Variants in SNX31 observed in about 807,000 individuals in gnomAD.
SNX31 encodes sorting nexin 31, also known as sorting nexin-31.
A neutral mutation model predicts 65.4 loss-of-function variants in SNX31; 58 were observed. The ratio of observed to expected loss-of-function variants is 0.89; its 90% CI spans 0.72 to 1.10. The LOEUF (loss-of-function observed/expected upper bound fraction) is 1.10. SNX31 is among the 50% of genes least tolerant of loss of function. The pLI is 0.00. For missense variants in SNX31, 523 were observed against 529.7 expected, an observed-to-expected ratio of 0.99 and a Z score of 0.12; for synonymous variants, 181 against 190.1, an observed-to-expected ratio of 0.95 and a Z score of 0.39.
intron 8 of SNX31, 97 bp downstream of exon 8, chr8:100,608,397 G>A (rs988764628): frequency 1.9e-6 from 2 of 1,064,460 alleles, no homozygotes; most frequent in Non-Finnish European, 2.9e-6. Flanking sequence ...TTTAGGTGTG[G>A]AGGTAGAATT....
In SNX31 at chr8:100,588,762, A is replaced by G; in HGVS notation, c.1092+104T>C. On this transcript the variant is annotated intron_variant, in intron 11 of 13. Coordinates refer to ENST00000311812, the MANE Select transcript of SNX31 (RefSeq NM_152628.4). This position sits in a 1 kb window ranked among gnomAD's most constrained non-coding sequence, Gnocchi z 4.8. ...CGAACGAGAGTGCATAGAACACTTT[A>G]GGGTCCTGCTCTAGTTGGGTTAGGG... is the stretch of plus-strand genomic sequence containing the variant. 1 of 730,806 alleles carries G rather than the reference A, an allele frequency of 1.4e-6. No individual in the cohort carries two copies. The highest frequency in any genetic ancestry group is 2.4e-6 in the Non-Finnish European group (1 of 421,290). The allele number at this position is 730,806 out of a possible 1,614,324, so 45.3% of individuals were successfully genotyped here. A position where few individuals can be genotyped will look rare whatever the true frequency, so the allele number is the denominator to read the frequency against.
upstream of SNX31, chr8:100,649,814 C>A (rs938647976): frequency 1.0e-4 from 39 of 387,528 alleles, no homozygotes; most frequent in African/African-American, 7.4e-4. Context: ...GGCATTTTCT[C>A]CAAGAAGGCC....
At chr8:100,633,774 A>C (rs1818567815) in intron 3 of SNX31, among the ~76,000 whole-genome samples, 1 of 152,210 alleles carries the variant, frequency 6.6e-6, no homozygotes, top group Non-Finnish European at 1.5e-5. Flanking sequence ...ACAAGGAAAA[A>C]AGAATGATAA....
At position 100,635,970 on chromosome 8, in the gene SNX31, T is replaced by C. The variant is rs1275362750; in HGVS notation, c.183A>G (p.Pro61=). ...CTGTGGTCATTGCCAGATAGTACTTTGGTGGGAAGGGTGGCAGGCAATTTC... is the reference window on the plus strand; with the variant it reads ...CTGTGGTCATTGCCAGATAGTACTTCGGTGGGAAGGGTGGCAGGCAATTTC... ...VFGNCLPPFP[P]KYYLAMTTAM... Residue 61 remains proline (P), a synonymous_variant, in exon 3 of 14, where the codon CCA becomes CCG. Transcript: ENST00000311812. 6.2e-7 allele frequency: 1 copy of C among 1,614,154 alleles called. No individual in the cohort carries two copies. The highest frequency in any genetic ancestry group is 1.1e-5 in the South Asian group (1 of 91,076).
intron 1 of SNX31, among the ~76,000 whole-genome samples, chr8:100,654,871 G>T (rs904158606): frequency 9.8e-5 from 15 of 152,300 alleles, no homozygotes; most frequent in African/African-American, 3.6e-4. Context: ...AAATTAGCCA[G>T]ATGTGGTAGT....
chr8:100,621,323 A>G (rs553983046), intron 4 of SNX31, among the ~76,000 whole-genome samples: 6 of 152,304 alleles, frequency 3.9e-5, no homozygotes, highest in African/African-American at 1.4e-4. Context: ...CACTCTCAAA[A>G]GCATCCCAGT....
rs1818744990 is a variant in SNX31 at position 100,635,980 on chromosome 8, G to T, written c.173C>A (p.Pro58His). Residue 58 changes from proline to histidine, a missense_variant, in exon 3 of 14, where the codon CCC becomes CAC. Pro to His is a moderately conservative substitution (Grantham distance 77). Transcript: ENST00000311812. ...TGCCAGATAGTACTTTGGTGGGAAG[G>T]GTGGCAGGCAATTTCCAAAGACCCG... is the stretch of plus-strand genomic sequence containing the variant. Reference protein sequence around the residue: ...LRRVFGNCLPPFPPKYYLAMT... With the variant: ...LRRVFGNCLPHFPPKYYLAMT... 3.7e-6 allele frequency: 6 copies of T among 1,614,130 alleles called. No individual in the cohort carries two copies. The highest frequency in any genetic ancestry group is 5.1e-6 in the Non-Finnish European group (6 of 1,179,984).
chr8:100,641,264 C>T (rs1394975266), intron 2 of SNX31, among the ~76,000 whole-genome samples: 2 of 151,740 alleles, frequency 1.3e-5, no homozygotes, highest in Non-Finnish European at 2.9e-5. Context: ...CAGTTGGCTG[C>T]GGTGGCTCAC....
rs186056472 is a variant in SNX31 at position 100,629,083 on chromosome 8, C to T, written c.321+1244G>A. On this transcript the variant is annotated intron_variant, in intron 4 of 13. Transcript: ENST00000311812. This position sits in a 1 kb window ranked among gnomAD's most constrained non-coding sequence, Gnocchi z 5.1. The stretch of plus-strand genomic sequence containing the variant: ...TGTGGTGTTCACACAATGACAAAAT[C>T]GCCTAATGATGCATTTATCAGAACG... Among the ~76,000 whole-genome samples, 506 of 152,126 alleles carry T rather than the reference C, an allele frequency of 3.3e-3. 1 individual carries two copies. The highest frequency in any genetic ancestry group is 0.012 in the African/African-American group (486 of 41,492).
In SNX31 at chr8:100,614,683, T is replaced by A. The variant is rs375624397; in HGVS notation, c.433-1598A>T. Among the ~76,000 whole-genome samples, 62 of 152,082 alleles carry A rather than the reference T, an allele frequency of 4.1e-4. 1 individual carries two copies. The highest frequency in any genetic ancestry group is 6.5e-4 in the Admixed American group (10 of 15,270). ...TAAGGTCAGGAGTTCAAAACCAGCC[T>A]GGCCAACATAGTGAAACCCCATCTC... On this transcript the variant is annotated intron_variant, in intron 5 of 13. Transcript: ENST00000311812. The surrounding 1 kb of genome is among the most constrained non-coding windows in gnomAD (Gnocchi z 5.1).
intron 12 of SNX31, among the ~76,000 whole-genome samples, chr8:100,580,324 A>G (rs919744513): frequency 3.3e-5 from 5 of 152,148 alleles, no homozygotes; most frequent in Admixed American, 1.3e-4. Context: ...TACATCTACT[A>G]TCTTTTCTTG....
rs1816376662 is a variant in SNX31, at chr8:100,608,350, T to C, written c.681+144A>G. The C allele has an allele frequency of 4.3e-6, 3 of 700,960 alleles. No individual in the cohort carries two copies. In the East Asian group the frequency reaches 8.6e-5, roughly 20 times the overall value. 43.4% of individuals were successfully genotyped at this position (700,960 alleles called of 1,614,324 possible). On this transcript the variant is annotated intron_variant, in intron 8 of 13. Coordinates refer to ENST00000311812, the MANE Select transcript of SNX31 (RefSeq NM_152628.4). ...CTCCACCCCCCACAGCCCCTGGTAA[T>C]CTCTGTTCTACTTTCTGTCTCTATG...
chr8:100,658,911 C>T (rs940876170), intron 1 of SNX31, among the ~76,000 whole-genome samples: 8 of 152,150 alleles, frequency 5.3e-5, no homozygotes, highest in South Asian at 2.1e-4. Context: ...CTAGGCTTGG[C>T]GGAATTCAAA....
At chr8:100,611,776 G>C (rs1033677993) in intron 7 of SNX31, among the ~76,000 whole-genome samples, 7 of 152,076 alleles carry the variant, frequency 4.6e-5, no homozygotes, top group African/African-American at 1.4e-4. Context: ...GGCTGATCTT[G>C]AACTCCTGGG....
rs1319030637 is a variant in SNX31, at chr8:100,573,906, C to A, written c.1282G>T (p.Asp428Tyr). ...TTTATGTTCCCAAAAACGCAGTCAT[C>A]TTTAGCTATCTTAATCTTGCTTTTT... ...SRKSKIKIAK[D>Y]DCVFGNIKEE... The change falls in exon 14 of 14, where the codon GAT (aspartate) becomes TAT (tyrosine). Residue 428 changes from aspartate to tyrosine, a missense_variant. Asp to Tyr is a radical substitution (Grantham distance 160, BLOSUM62 -3). Coordinates refer to ENST00000311812, the MANE Select transcript of SNX31 (RefSeq NM_152628.4). 6.3e-7 allele frequency: 1 copy of A among 1,590,518 alleles called. No individual in the cohort carries two copies. The highest frequency in any genetic ancestry group is 8.6e-7 in the Non-Finnish European group (1 of 1,169,222).
rs1554587407 is a variant in SNX31 at position 100,641,589 on chromosome 8, T to TATATAC, written c.142-5579_142-5578insGTATAT. Among the ~76,000 whole-genome samples the TATATAC allele has an allele frequency of 6.4e-3, 142 of 22,206 alleles. 3 individuals carry two copies. The highest frequency in any genetic ancestry group is 7.8e-3 in the Non-Finnish European group (118 of 15,106). 14.6% of individuals were successfully genotyped at this position (22,206 alleles called of 152,430 possible). On this transcript the variant is annotated intron_variant, in intron 2 of 13. Transcript: ENST00000311812. ...AAATATATATATATATATATATATA[T>TATATAC]ATATATACACATACACACACACACG... is the stretch of plus-strand genomic sequence containing the variant.
At position 100,617,685 on chromosome 8, in the gene SNX31, G is replaced by T; in HGVS notation, c.367C>A (p.Leu123Met). The change falls in exon 5 of 14, where the codon CTG becomes ATG. Residue 123 changes from leucine (L) to methionine (M), a missense_variant. Transcript: ENST00000311812. Reference protein sequence around the residue: ...ATKKAYLDIFLPNEQSIRIEI... With the variant: ...ATKKAYLDIFMPNEQSIRIEI... ...ATTCTAATACTCTGTTCATTGGGCAGAAATATGTCCAGATAAGCTTTCTTG... is the reference window on the plus strand; with the variant it reads ...ATTCTAATACTCTGTTCATTGGGCATAAATATGTCCAGATAAGCTTTCTTG... 1 of 1,613,470 alleles carries T rather than the reference G, an allele frequency of 6.2e-7. No individual in the cohort carries two copies. The highest frequency in any genetic ancestry group is 8.5e-7 in the Non-Finnish European group (1 of 1,179,806).
intron 3 of SNX31, among the ~76,000 whole-genome samples, chr8:100,632,619 T>C (rs1281928158): frequency 2.0e-5 from 3 of 152,070 alleles, no homozygotes; most frequent in African/African-American, 7.2e-5. Context: ...TAGTTGGCGA[T>C]GTTTTATTTA....
chr8:100,592,180 A>C (rs1814646753), intron 10 of SNX31, among the ~76,000 whole-genome samples: 2 of 152,200 alleles, frequency 1.3e-5, no homozygotes, highest in South Asian at 4.1e-4. Flanking sequence ...TGTTCCATAC[A>C]CTCAGGAATT....
Sources: gnomAD v4.1 joint callset for allele counts (sites outside exome capture counted in the v4.1 genomes callset) on GRCh38, gnomAD v4.1.1 for gene constraint, Gnocchi (gnomAD v3.1) non-coding constraint, MANE v1.5 for transcripts, NCBI Gene and HGNC (gene_info 2026-07-23, HGNC 2026-07-21) for gene names.